RNLS: variants seen among roughly 807,000 people sequenced by gnomAD.
The protein encoded by RNLS is renalase, FAD dependent amine oxidase, also known as renalase.
A neutral mutation model predicts 39.8 loss-of-function variants in RNLS; 39 were observed. That is an observed-to-expected ratio of 0.98 (90% CI 0.76 to 1.28). RNLS has a LOEUF of 1.28. RNLS is among the 50% of genes most tolerant of loss of function. The pLI, the probability that RNLS is intolerant of heterozygous loss-of-function variation, is 0.00. For synonymous variants in RNLS, 147 were observed against 150.7 expected, an observed-to-expected ratio of 0.98 and a Z score of 0.18; for missense variants, 410 against 413.3, an observed-to-expected ratio of 0.99 and a Z score of 0.07.
chr10:88,257,426 T>C, the RNLS span, among the ~76,000 whole-genome samples: 1 of 152,186 alleles, frequency 6.6e-6, no homozygotes, highest in African/African-American at 2.4e-5. Context: ...AAAGTTCTTA[T>C]AAAGGCATCC....
chr10:88,531,541 C>A (rs964268528), intron 4 of RNLS, among the ~76,000 whole-genome samples: 18 of 152,116 alleles, frequency 1.2e-4, no homozygotes, highest in African/African-American at 3.9e-4. Context: ...GTTAGCAATG[C>A]AGGCACTCCC....
At chr10:88,235,126 G>A in the RNLS span, among the ~76,000 whole-genome samples, 2 of 151,830 alleles carry the variant, frequency 1.3e-5, no homozygotes, top group Admixed American at 1.3e-4. Flanking sequence ...GCCGGGCGTC[G>A]GGGTGGTGGC....
At chr10:88,568,522 T>C (rs1849648306) in intron 4 of RNLS, among the ~76,000 whole-genome samples, 1 of 151,972 alleles carries the variant, frequency 6.6e-6, no homozygotes, top group Non-Finnish European at 1.5e-5. Context: ...TGTGTCGTTG[T>C]TGTTTTGTTT....
chr10:88,483,551 A>G (rs186324344), intron 4 of RNLS, among the ~76,000 whole-genome samples: 1 of 152,256 alleles, frequency 6.6e-6, no homozygotes, highest in African/African-American at 2.4e-5. Context: ...TAATTGTCAT[A>G]TGATGTATGT....
At chr10:88,375,737 C>T (rs1850941723) in intron 4 of RNLS, among the ~76,000 whole-genome samples, 1 of 152,104 alleles carries the variant, frequency 6.6e-6, no homozygotes, top group South Asian at 2.1e-4. Flanking sequence ...AAATGGCTTC[C>T]CTTCAGTCTG....
intron 4 of RNLS, among the ~76,000 whole-genome samples, chr10:88,561,349 A>T (rs138938322): frequency 3.2e-4 from 49 of 152,324 alleles, no homozygotes; most frequent in African/African-American, 1.2e-3. Flanking sequence ...CGATATTGCA[A>T]CACAAGTAAA....
chr10:88,536,992 T>C (rs1423586082), intron 4 of RNLS, among the ~76,000 whole-genome samples: 2 of 152,204 alleles, frequency 1.3e-5, no homozygotes, highest in African/African-American at 4.8e-5. Context: ...AATGAATGAA[T>C]GAGCGAGTAG....
chr10:88,524,252 T>C (rs957482353), intron 4 of RNLS, among the ~76,000 whole-genome samples: 2 of 152,142 alleles, frequency 1.3e-5, no homozygotes, highest in Admixed American at 6.6e-5. Flanking sequence ...ACTGGCGCCT[T>C]CCAACCTCAA....
intron 6 of RNLS, among the ~76,000 whole-genome samples, chr10:88,296,909 A>G (rs1410002297): frequency 3.3e-5 from 5 of 152,114 alleles, no homozygotes; most frequent in Non-Finnish European, 5.9e-5. Context: ...ATAAACACAG[A>G]CTGAGTCTGA....
At chr10:88,540,551 T>C (rs1847984966) in intron 4 of RNLS, among the ~76,000 whole-genome samples, 1 of 152,118 alleles carries the variant, frequency 6.6e-6, no homozygotes, top group Non-Finnish European at 1.5e-5. Flanking sequence ...CAATAATTAT[T>C]CAGGCCATGA....
chr10:88,473,975 G>T (rs1843678132), intron 4 of RNLS, among the ~76,000 whole-genome samples: 1 of 152,082 alleles, frequency 6.6e-6, no homozygotes, highest in Non-Finnish European at 1.5e-5. Flanking sequence ...TTAATACAAT[G>T]TTGATGGTTT....
intron 4 of RNLS, among the ~76,000 whole-genome samples, chr10:88,528,123 G>T (rs1847215068): frequency 6.6e-6 from 1 of 151,874 alleles, no homozygotes; most frequent in East Asian, 1.9e-4. Context: ...GCATATATTG[G>T]CACAGGGCTA....
At chr10:88,252,234 C>T in the RNLS span, among the ~76,000 whole-genome samples, 6 of 152,280 alleles carry the variant, frequency 3.9e-5, no homozygotes, top group East Asian at 5.8e-4. Flanking sequence ...CCCCACAACC[C>T]GGTGCACAGT....
chr10:88,570,189 C>G (rs1849743854), intron 4 of RNLS, among the ~76,000 whole-genome samples: 1 of 152,066 alleles, frequency 6.6e-6, no homozygotes, highest in South Asian at 2.1e-4. Flanking sequence ...ATGCAAAAAT[C>G]CTAAACAACA....
At chr10:88,367,378 A>C (rs908108283) in intron 4 of RNLS, among the ~76,000 whole-genome samples, 1 of 152,076 alleles carries the variant, frequency 6.6e-6, no homozygotes, top group African/African-American at 2.4e-5. Context: ...TTGTTATATA[A>C]ATGTTGTTAG....
chr10:88,514,875 G>C (rs1346452074), intron 4 of RNLS, among the ~76,000 whole-genome samples: 1 of 152,020 alleles, frequency 6.6e-6, no homozygotes, highest in African/African-American at 2.4e-5. Flanking sequence ...CCTGATTTCA[G>C]GGTGTTTTGG....
chr10:88,253,794 C>G, the RNLS span, among the ~76,000 whole-genome samples: 2 of 152,172 alleles, frequency 1.3e-5, no homozygotes, highest in Non-Finnish European at 2.9e-5. Context: ...TTCCTGCCCC[C>G]CTCCCTCCCC....
At chr10:88,351,221 C>T (rs1848682463) in intron 5 of RNLS, among the ~76,000 whole-genome samples, 1 of 152,110 alleles carries the variant, frequency 6.6e-6, no homozygotes, top group Non-Finnish European at 1.5e-5. Context: ...TGTGCAGAAG[C>T]TCTTTAGTTT....
At chr10:88,260,838 C>A in the RNLS span, among the ~76,000 whole-genome samples, 2 of 152,178 alleles carry the variant, frequency 1.3e-5, no homozygotes, top group Non-Finnish European at 2.9e-5. Flanking sequence ...GTTTGCTTAG[C>A]AGAAACTAAA....
Sources: gnomAD v4.1 joint callset for allele counts (sites outside exome capture counted in the v4.1 genomes callset) on GRCh38, gnomAD v4.1.1 for gene constraint, MANE v1.5 for transcripts, NCBI Gene and HGNC (gene_info 2026-07-23, HGNC 2026-07-21) for gene names.